Variants in ATXN3 observed in about 807,000 individuals in gnomAD.
The protein encoded by ATXN3 is ataxin 3.
In ATXN3, 28 loss-of-function variants were observed where a neutral mutation model predicts 58.2. That is an observed-to-expected ratio of 0.48 (90% CI 0.36 to 0.66). ATXN3 has a LOEUF of 0.66. Among genes scored for constraint, ATXN3 ranks in the 30% least tolerant of loss-of-function variants. ATXN3 has a pLI of 0.00. For synonymous variants in ATXN3, 113 were observed against 138.5 expected (o/e 0.82, Z 1.29); for missense variants, 321 against 422.1 (o/e 0.76, Z 2.10).
intron 1 of ATXN3, 37 bp from the exon 2 acceptor site, chr14:92,096,875 G>A (rs2065391585): frequency 6.4e-7 from 1 of 1,556,854 alleles, no homozygotes; most frequent in Non-Finnish European, 8.8e-7. Context: ...AATGTGACTT[G>A]TTAAACAGAA....
chr14:92,074,674 A>G (rs2060036273), intron 9 of ATXN3, among the ~76,000 whole-genome samples: 1 of 152,154 alleles, frequency 6.6e-6, no homozygotes, highest in Admixed American at 6.6e-5. Flanking sequence ...GTAAACCCCT[A>G]ATTTCTATAT....
At chr14:92,104,258 A>T (rs2067603821) in intron 1 of ATXN3, among the ~76,000 whole-genome samples, 1 of 152,162 alleles carries the variant, frequency 6.6e-6, no homozygotes, top group African/African-American at 2.4e-5. Context: ...CTCCTGCCTC[A>T]GCCTCCAGAG....
At chr14:92,080,854 A>T (rs988680346) in intron 9 of ATXN3, 111 bp downstream of exon 9, 19 of 972,546 alleles carry the variant, frequency 2.0e-5, no homozygotes, top group Middle Eastern at 2.2e-4. Flanking sequence ...GTAAATTTTT[A>T]AAAAATACAT....
intron 1 of ATXN3, among the ~76,000 whole-genome samples, chr14:92,100,050 A>G (rs988088605): frequency 6.6e-6 from 1 of 152,266 alleles, no homozygotes; most frequent in Admixed American, 6.5e-5. Flanking sequence ...GAGGTACTCA[A>G]CTTTATTAGT....
chr14:92,106,268 C>T (rs2068342329), intron 1 of ATXN3, among the ~76,000 whole-genome samples: 1 of 152,144 alleles, frequency 6.6e-6, no homozygotes, highest in Admixed American at 6.5e-5. Flanking sequence ...GGCGCCACCC[C>T]ACTCCCGTGT....
chr14:92,061,482 G>A lies in ATXN3; in HGVS notation c.*2838C>T, dbSNP rs1241783259. 6.6e-6 allele frequency: 1 copy of A among 152,090 alleles called. No homozygotes were observed. Among genetic ancestry groups the A allele is most frequent in the Non-Finnish European group, 1.5e-5 (1 of 68,028 alleles). The allele number at this position is 152,090 out of a possible 1,614,324, so 9.4% of individuals were successfully genotyped here. On this transcript the variant is annotated 3_prime_UTR_variant, in exon 11 of 11. Transcript: ENST00000644486. ...CCATGACATCTGAAAATATGAAAGT[G>A]GTATTTCCAAGGCTTAAACTTCTAC...
rs376966269 is a variant in ATXN3, at chr14:92,096,623, C to CAA, written c.189+49_189+50dup. 11,550 of 1,228,834 alleles carry CAA rather than the reference C, an allele frequency of 9.4e-3. 4 individuals carry two copies. The highest frequency in any genetic ancestry group is 0.024 in the African/African-American group (1,185 of 48,494). 76.1% of individuals were successfully genotyped at this position (1,228,834 alleles called of 1,614,324 possible). ...TGGGCAACAGGGCGAGACTCCGTCT[C>CAA]AAAAAAAAAAAAAAAAAAGAAATGT... On this transcript the variant is annotated intron_variant, in intron 2 of 10. Coordinates refer to ENST00000644486, the MANE Select transcript of ATXN3 (RefSeq NM_004993.6).
intron 10 of ATXN3, chr14:92,070,732 C>T: frequency 7.5e-7 from 1 of 1,328,980 alleles, no homozygotes; most frequent in South Asian, 1.6e-5. Flanking sequence ...AGATGTGAGC[C>T]ACCACATCTA....
intron 1 of ATXN3, among the ~76,000 whole-genome samples, chr14:92,105,428 T>TA (rs1198380735): frequency 6.6e-6 from 1 of 152,070 alleles, no homozygotes; most frequent in Non-Finnish European, 1.5e-5. Flanking sequence ...AAATAAAAAT[T>TA]AAAAAAAATT....
upstream of ATXN3, chr14:92,050,239 T>A (rs1243136025): frequency 1.3e-5 from 2 of 152,070 alleles, no homozygotes; most frequent in African/African-American, 4.8e-5. Flanking sequence ...CAGGAACTGA[T>A]AATTGTTGAA....
intron 10 of ATXN3, among the ~76,000 whole-genome samples, chr14:92,067,986 C>G (rs984573287): frequency 6.6e-6 from 1 of 152,182 alleles, no homozygotes; most frequent in South Asian, 2.1e-4. Context: ...TGCCTTGTTA[C>G]TGATCTCCAC....
At chr14:92,066,444 T>C (rs1354493987) in intron 10 of ATXN3, among the ~76,000 whole-genome samples, 1 of 146,424 alleles carries the variant, frequency 6.8e-6, no homozygotes, top group Non-Finnish European at 1.5e-5. Flanking sequence ...TTCCTGATGT[T>C]CCAAAATTAC....
intron 6 of ATXN3, 114 bp downstream of exon 6, chr14:92,088,616 A>G: frequency 2.6e-6 from 2 of 774,410 alleles, no homozygotes; most frequent in Non-Finnish European, 4.4e-6. Flanking sequence ...TCAAAACTAA[A>G]GATTGTTTCA....
intron 9 of ATXN3, among the ~76,000 whole-genome samples, chr14:92,078,171 C>T (rs1021878055): frequency 6.6e-6 from 1 of 151,714 alleles, no homozygotes; most frequent in Admixed American, 6.6e-5. Flanking sequence ...GACAGGGTTT[C>T]GCCATGTTGG....
At chr14:92,081,171 A>G in intron 8 of ATXN3, 110 bp from the exon 9 acceptor site, 2 of 741,592 alleles carry the variant, frequency 2.7e-6, no homozygotes, top group Non-Finnish European at 4.5e-6. Flanking sequence ...TTTTCTCTTT[A>G]AGAATATTCT....
Position 92,086,648 on chromosome 14 carries a change from G to A in ATXN3, c.475+2082C>T, listed in dbSNP as rs994272879. Reference sequence around the variant, plus strand: ...CTCGGGAGGTTGAGGCAGGAGAATCGCTTGAACCCAGGAGGCAGAGTTCAA... The same window carrying A: ...CTCGGGAGGTTGAGGCAGGAGAATCACTTGAACCCAGGAGGCAGAGTTCAA... On this transcript the variant is annotated intron_variant, in intron 6 of 10. Transcript: ENST00000644486. Among the ~76,000 whole-genome samples, 8 of 151,920 alleles carry A rather than the reference G, an allele frequency of 5.3e-5. No individual in the cohort carries two copies. The South Asian group carries it at 6.2e-4, about 12-fold the overall frequency.
At chr14:92,095,919 G>A (rs571519299) in intron 3 of ATXN3, among the ~76,000 whole-genome samples, 174 bp downstream of exon 3, 3 of 152,042 alleles carry the variant, frequency 2.0e-5, no homozygotes, top group Non-Finnish European at 4.4e-5. Flanking sequence ...TCCAGCCTAG[G>A]TGACAGAACG....
intron 9 of ATXN3, among the ~76,000 whole-genome samples, chr14:92,076,143 G>A (rs1042270517): frequency 6.6e-6 from 1 of 151,956 alleles, no homozygotes; most frequent in African/African-American, 2.4e-5. Context: ...CTGAATTATC[G>A]TTACTACTAT....
At chr14:92,055,750 CAGA>C (rs1476222204), downstream of ATXN3, among the ~76,000 whole-genome samples, 4 of 152,154 alleles carry the variant, frequency 2.6e-5, no homozygotes, top group Non-Finnish European at 4.4e-5. The surrounding 1 kb of genome is among the most constrained non-coding windows in gnomAD (Gnocchi z 4.5). Flanking sequence ...CACCTGAGCT[CAGA>C]AGTTCTAGAC....
Sources: allele counts gnomAD v4.1 joint callset (sites outside exome capture counted in the v4.1 genomes callset), GRCh38; gene constraint gnomAD v4.1.1; non-coding constraint Gnocchi (gnomAD v3.1); transcripts MANE v1.5; gene names NCBI Gene and HGNC (gene_info 2026-07-23, HGNC 2026-07-21).